The following TLN2 variants were observed in gnomAD, a reference collection of about 807,000 sequenced individuals.
TLN2 encodes talin-2.
In TLN2, 118 loss-of-function variants were observed where a neutral mutation model predicts 294.7. The ratio of observed to expected loss-of-function variants is 0.40; its 90% CI spans 0.34 to 0.47. The LOEUF is 0.47. TLN2 is among the 20% of genes least tolerant of loss of function. The pLI is 0.84. For missense variants in TLN2, 3,083 were observed against 3,282.2 expected, an observed-to-expected ratio of 0.94 and a Z score of 1.48; for synonymous variants, 1,431 against 1,304.5, an observed-to-expected ratio of 1.10 and a Z score of -2.09.
intron 41 of TLN2, among the ~76,000 whole-genome samples, chr15:62,766,970 T>C (rs1002784382): frequency 1.3e-5 from 2 of 152,230 alleles, no homozygotes; most frequent in Non-Finnish European, 2.9e-5. Context: ...ACCCAGATGA[T>C]ATCTTGCCTG....
intron 1 of TLN2, among the ~76,000 whole-genome samples, chr15:62,557,930 G>A (rs1013049872): frequency 6.6e-6 from 1 of 152,218 alleles, no homozygotes; most frequent in Non-Finnish European, 1.5e-5. Flanking sequence ...TTTTGCGCCA[G>A]TGGTTCTTGG....
At chr15:62,710,514 A>G (rs1287659887) in intron 21 of TLN2, among the ~76,000 whole-genome samples, 1 of 152,074 alleles carries the variant, frequency 6.6e-6, no homozygotes, top group Non-Finnish European at 1.5e-5. Context: ...CAATCCTTTT[A>G]TTTTGAAATA....
chr15:62,648,215 G>A (rs1054455095), intron 4 of TLN2, among the ~76,000 whole-genome samples: 2 of 152,012 alleles, frequency 1.3e-5, no homozygotes, highest in Non-Finnish European at 2.9e-5. Context: ...GAACCCAGGA[G>A]TTAGAGACCA....
chr15:62,511,111 C>T (rs970851252), intron 1 of TLN2, among the ~76,000 whole-genome samples: 4 of 152,210 alleles, frequency 2.6e-5, no homozygotes, highest in Non-Finnish European at 5.9e-5. Flanking sequence ...ATTGACCCCT[C>T]CTGTGGTTGT....
chr15:62,434,351 A>C (rs2035178309), intron 1 of TLN2, among the ~76,000 whole-genome samples: 1 of 152,204 alleles, frequency 6.6e-6, no homozygotes, highest in Non-Finnish European at 1.5e-5. Context: ...ATTATATAGA[A>C]TAGCCTCATT....
At chr15:62,778,032 AG>A (rs1317936960) in intron 43 of TLN2, among the ~76,000 whole-genome samples, 2 of 152,250 alleles carry the variant, frequency 1.3e-5, no homozygotes, top group Non-Finnish European at 2.9e-5. Context: ...TACATTAATA[AG>A]GTTTTTCAGG....
chr15:62,675,343 G>T (rs777065666), intron 11 of TLN2, 22 bp downstream of exon 11: 22 of 1,611,464 alleles, frequency 1.4e-5, no homozygotes, highest in Non-Finnish European at 1.9e-5. Context: ...AGAATGGGGA[G>T]AGTGTTCACC....
chr15:62,541,618 G>C (rs952042621), intron 1 of TLN2, among the ~76,000 whole-genome samples: 13 of 152,090 alleles, frequency 8.5e-5, no homozygotes, highest in African/African-American at 3.1e-4. Context: ...GTGTTGGAGG[G>C]GAGAGGAGGG....
intron 32 of TLN2, among the ~76,000 whole-genome samples, chr15:62,746,968 C>T (rs1269648589): frequency 6.6e-6 from 1 of 152,198 alleles, no homozygotes; most frequent in Admixed American, 6.5e-5. Context: ...GTTAAGACAG[C>T]GTGGTATCGA....
intron 12 of TLN2, among the ~76,000 whole-genome samples, chr15:62,692,384 C>T (rs1288793233): frequency 1.3e-5 from 2 of 152,236 alleles, no homozygotes; most frequent in African/African-American, 4.8e-5. Context: ...TGAGGTTTCC[C>T]TGCTCTGCAG....
At chr15:62,713,929 ATGTGTGTGTG>A (rs1555485353) in intron 22 of TLN2, among the ~76,000 whole-genome samples, 1 of 125,210 alleles carries the variant, frequency 8.0e-6, no homozygotes, top group Non-Finnish European at 1.8e-5. Context: ...GTGTGTGTGT[ATGTGTGTGTG>A]TGTATGTATG....
intron 33 of TLN2, 30 bp from the exon 34 acceptor site, chr15:62,750,372 T>G (rs1459441520): frequency 6.3e-7 from 1 of 1,593,704 alleles, no homozygotes; most frequent in Non-Finnish European, 8.6e-7. Context: ...GACATTTGCT[T>G]GCTTTTTATG....
chr15:62,800,601 G>T, intron 49 of TLN2, 52 bp from the exon 50 acceptor site: 1 of 1,611,462 alleles, frequency 6.2e-7, no homozygotes, highest in Non-Finnish European at 8.5e-7. Context: ...AAGGAGTAGG[G>T]GCTGGACCTG....
In TLN2 at chr15:62,629,585, T is replaced by C. The variant is rs184550749; in HGVS notation, c.-37+11110T>C. 4.5e-4 allele frequency among the ~76,000 whole-genome samples: 68 copies of C among 152,312 alleles called. 1 individual carries two copies. The highest frequency in any genetic ancestry group is 1.2e-3 in the African/African-American group (51 of 41,564). On this transcript the variant is annotated intron_variant, in intron 3 of 58. Transcript: ENST00000636159. ...CCAAATGAGGTATTTTCCAAAGTTG[T>C]CCTGACATTCCAAGGTAGGGCCGTA...
chr15:62,798,443 G>C (rs1046681627), intron 48 of TLN2, among the ~76,000 whole-genome samples: 6 of 151,984 alleles, frequency 3.9e-5, no homozygotes, highest in African/African-American at 1.5e-4. Flanking sequence ...GTGGCTACTG[G>C]CTACTGAACA....
At position 62,776,864 on chromosome 15, in the gene TLN2, G is replaced by A; in HGVS notation, c.5468G>A (p.Gly1823Glu). 6.3e-7 allele frequency: 1 copy of A among 1,598,656 alleles called. No individual in the cohort carries two copies. The highest frequency in any genetic ancestry group is 8.5e-7 in the Non-Finnish European group (1 of 1,172,246). The change falls in exon 43 of 59, where the codon GGG (glycine) becomes GAG (glutamate). Residue 1823 changes from glycine (G) to glutamate (E), a missense_variant. Transcript: ENST00000636159. The stretch of plus-strand genomic sequence containing the variant: ...CTGAACGAAGCTGCCAGTGAAGTGG[G>A]GCTGGTTGGGGGCATGGTGGACGCC... ...VTLNEAASEV[G>E]LVGGMVDAIA...
chr15:62,491,287 A>G (rs1426929245), intron 1 of TLN2, among the ~76,000 whole-genome samples: 1 of 150,714 alleles, frequency 6.6e-6, no homozygotes, highest in Non-Finnish European at 1.5e-5. Flanking sequence ...AAATTGTGCC[A>G]CTGCACTCCA....
chr15:62,498,787 A>G (rs1488428531), intron 1 of TLN2, among the ~76,000 whole-genome samples: 1 of 152,130 alleles, frequency 6.6e-6, no homozygotes, highest in Admixed American at 6.5e-5. Context: ...TCAGTCACCA[A>G]TTCATTACAT....
intron 28 of TLN2, among the ~76,000 whole-genome samples, chr15:62,731,351 C>A (rs182011180): frequency 1.5e-5 from 2 of 133,176 alleles, no homozygotes; most frequent in East Asian, 2.2e-4. Flanking sequence ...CTTTTTTTTT[C>A]TTTAAGACTG....
Sources: gnomAD v4.1 joint callset for allele counts (sites outside exome capture counted in the v4.1 genomes callset) on GRCh38, gnomAD v4.1.1 for gene constraint, MANE v1.5 for transcripts, NCBI Gene and HGNC (gene_info 2026-07-23, HGNC 2026-07-21) for gene names.